The following TPRX1 variants were observed in gnomAD, a reference collection of about 807,000 sequenced individuals.
The protein encoded by TPRX1 is tetra-peptide repeat homeobox protein 1.
A neutral mutation model predicts 8.1 loss-of-function variants in TPRX1; 2 were observed. That is an observed-to-expected ratio of 0.25 (90% CI 0.10 to 0.78). The LOEUF is 0.78. Among genes scored for constraint, TPRX1 ranks in the 30% least tolerant of loss-of-function variants. TPRX1 has a pLI of 0.70. For missense variants in TPRX1, 517 were observed against 586.9 expected (o/e 0.88, Z 1.23); for synonymous variants, 257 against 254.1 (o/e 1.01, Z -0.11).
At chr19:47,810,314 C>A (rs1967771071) in intron 2 of TPRX1, among the ~76,000 whole-genome samples, 2 of 113,950 alleles carry the variant, frequency 1.8e-5, no homozygotes, top group Non-Finnish European at 3.8e-5. Context: ...AGAACAGAAA[C>A]AGAAACAATG....
chr19:47,818,262 TCC>T (rs1967863737), intron 2 of TPRX1, among the ~76,000 whole-genome samples: 1 of 147,354 alleles, frequency 6.8e-6, no homozygotes, highest in Non-Finnish European at 1.5e-5. Flanking sequence ...CATCCATCCA[TCC>T]ATCCATCCAT....
At chr19:47,805,481 G>A (rs1967727548) in intron 2 of TPRX1, among the ~76,000 whole-genome samples, 1 of 152,146 alleles carries the variant, frequency 6.6e-6, no homozygotes, top group Non-Finnish European at 1.5e-5. Context: ...TCAGACACCT[G>A]GCTGTCCTCA....
chr19:47,816,391 T>C (rs1356209004), intron 2 of TPRX1, among the ~76,000 whole-genome samples: 1 of 151,746 alleles, frequency 6.6e-6, no homozygotes, highest in Non-Finnish European at 1.5e-5. Context: ...TTTAAAATTA[T>C]ATTTTTTTGG....
At chr19:47,803,100 AC>A in intron 3 of TPRX1, 120 bp from the exon 3 acceptor site, 1 of 980,250 alleles carries the variant, frequency 1.0e-6, no homozygotes, top group Non-Finnish European at 1.3e-6. Flanking sequence ...CCCATCCCCC[AC>A]CCCACCAAAA....
At chr19:47,802,863 C>T in exon 4 of TPRX1, 2 of 1,599,896 alleles carry the variant, frequency 1.3e-6, no homozygotes, top group African/African-American at 1.3e-5. Context: ...GAGGCAGAGG[C>T]TGCAGGGACT....
Position 47,816,779 on chromosome 19 carries a change from G to C in TPRX1, c.151+1689C>G, listed in dbSNP as rs183492610. Among the ~76,000 whole-genome samples, 5 of 151,452 alleles carry C rather than the reference G, an allele frequency of 3.3e-5. No homozygotes were observed. The East Asian group carries it at 7.8e-4, about 24-fold the overall frequency. On this transcript the variant is annotated intron_variant, in intron 2 of 3. Coordinates refer to ENST00000535759, the Ensembl canonical transcript of TPRX1. ...GATCTCCTGACCTCGTGATCTGCCC[G>C]CCTTGGCCTCCCAAAGTGCTGGGAT...
intron 2 of TPRX1, among the ~76,000 whole-genome samples, chr19:47,806,127 C>T (rs750919334): frequency 7.9e-5 from 12 of 151,906 alleles, no homozygotes; most frequent in Non-Finnish European, 1.3e-4. Flanking sequence ...GAGGCTGAGG[C>T]GGGGGAATTG....
At chr19:47,817,108 G>A (rs1312349948) in intron 2 of TPRX1, among the ~76,000 whole-genome samples, 1 of 152,170 alleles carries the variant, frequency 6.6e-6, no homozygotes, top group Non-Finnish European at 1.5e-5. Flanking sequence ...CTGAGCAGTT[G>A]TTCTCACAGG....
rs760916247 is a variant in TPRX1 at position 47,802,274 on chromosome 19, G to C, written c.1028C>G (p.Pro343Arg). The C allele has an allele frequency of 3.2e-6, 5 of 1,552,966 alleles. No individual in the cohort carries two copies. In the South Asian group the frequency reaches 3.5e-5, roughly 11 times the overall value. The change falls in exon 4 of 4, where the codon CCG becomes CGG. Residue 343 changes from proline to arginine, a missense_variant. Pro to Arg is a moderately radical substitution (Grantham distance 103). Transcript: ENST00000535759. ...TGGGCCTGGGATCAGGCCTGGGTTC[G>C]GGCCTGAGATTGGGCCTGGGATCGG...
chr19:47,801,588 A>G, exon 4 of TPRX1: 1 of 665,882 alleles, frequency 1.5e-6, no homozygotes, highest in East Asian at 2.9e-5. Context: ...GCTCAGGCTC[A>G]ATTCAAATGA....
exon 4 of TPRX1, chr19:47,802,795 G>A (rs1432094467): frequency 6.2e-7 from 1 of 1,602,862 alleles, no homozygotes; most frequent in Non-Finnish European, 8.5e-7. Context: ...CCTGGTGGAG[G>A]CTGCAGATCG....
chr19:47,806,999 G>C (rs1471993216), intron 2 of TPRX1, among the ~76,000 whole-genome samples: 1 of 151,964 alleles, frequency 6.6e-6, no homozygotes, highest in Non-Finnish European at 1.5e-5. Flanking sequence ...CCATCTCCCG[G>C]GTTCAAGTGA....
intron 2 of TPRX1, among the ~76,000 whole-genome samples, chr19:47,810,766 A>G (rs982438581): frequency 6.6e-6 from 1 of 151,812 alleles, no homozygotes; most frequent in African/African-American, 2.4e-5. Flanking sequence ...CATCCTCTGC[A>G]TTGTGAGGGT....
rs1318174755 is a variant in TPRX1 at position 47,805,953 on chromosome 19, G to A, written c.152-2280C>T. ...AATAAAATGCTGCATGGCCAGGCGCGGTGGCTCACGCCTGTAATCCCAGCA... is the reference window on the plus strand; with the variant it reads ...AATAAAATGCTGCATGGCCAGGCGCAGTGGCTCACGCCTGTAATCCCAGCA... On this transcript the variant is annotated intron_variant, in intron 2 of 3. Coordinates refer to ENST00000535759, the Ensembl canonical transcript of TPRX1. Among the ~76,000 whole-genome samples the A allele has an allele frequency of 4.6e-5, 7 of 152,188 alleles. No homozygotes were observed. In the East Asian group the frequency reaches 9.6e-4, roughly 21 times the overall value.
chr19:47,818,559 A>G (rs2123723747), intron 1 of TPRX1: 1 of 456,104 alleles, frequency 2.2e-6, no homozygotes, highest in Non-Finnish European at 4.4e-6. Flanking sequence ...CAGACAAGAA[A>G]CAAGATGTCA....
chr19:47,814,262 C>T (rs992834458), intron 2 of TPRX1, among the ~76,000 whole-genome samples: 22 of 152,162 alleles, frequency 1.4e-4, no homozygotes, highest in African/African-American at 5.1e-4. Flanking sequence ...ACCGTGTTGG[C>T]CAGGCTGGTC....
At chr19:47,807,793 A>G (rs928887532) in intron 2 of TPRX1, among the ~76,000 whole-genome samples, 1 of 152,210 alleles carries the variant, frequency 6.6e-6, no homozygotes, top group Non-Finnish European at 1.5e-5. Context: ...AAAGAGATGG[A>G]TCAAGTGTAG....
chr19:47,815,316 G>A (rs1420915361), intron 2 of TPRX1, among the ~76,000 whole-genome samples: 26 of 146,178 alleles, frequency 1.8e-4, no homozygotes, highest in Non-Finnish European at 3.0e-4. Flanking sequence ...CACCATGCCC[G>A]GCTAAGTTTT....
chr19:47,818,430 C>T (rs1298959244), intron 2 of TPRX1: 1 of 454,754 alleles, frequency 2.2e-6, no homozygotes, highest in Non-Finnish European at 4.4e-6. Flanking sequence ...GTCCATCCAT[C>T]CATCCATTTC....
Sources: allele counts gnomAD v4.1 joint callset (sites outside exome capture counted in the v4.1 genomes callset), GRCh38; gene constraint gnomAD v4.1.1; transcripts MANE v1.5; gene names NCBI Gene and HGNC (gene_info 2026-07-23, HGNC 2026-07-21).